Variants in PSMA1 observed in about 807,000 individuals in gnomAD.
PSMA1 encodes the protein proteasome 20S subunit alpha 1.
Under a neutral mutation model 38.4 loss-of-function variants are expected in PSMA1, and 3 were observed. That is an observed-to-expected ratio of 0.08 (90% CI 0.04 to 0.20). The LOEUF (loss-of-function observed/expected upper bound fraction) is 0.20, where lower values mean the gene tolerates loss of function less well. Among genes scored for constraint, PSMA1 ranks in the 10% least tolerant of loss-of-function variants. PSMA1 has a pLI of 1.00. For missense variants in PSMA1, 227 were observed against 325.3 expected (o/e 0.70, Z 2.32); for synonymous variants, 101 against 107.1 (o/e 0.94, Z 0.35).
intron 1 of PSMA1, among the ~76,000 whole-genome samples, chr11:14,614,734 G>T (rs1852750708): frequency 6.6e-6 from 1 of 152,114 alleles, no homozygotes; most frequent in Non-Finnish European, 1.5e-5. Flanking sequence ...AAAATGCCTA[G>T]AATCTTTGCT....
At position 14,515,338 on chromosome 11, in the gene PSMA1, C is replaced by A. The variant is rs546373786; in HGVS notation, c.255-847G>T. ...TGTACACCAAGTACAAAATAACATA[C>A]CAAATTTCAAAGACTTAGTACCTAA... On this transcript the variant is annotated intron_variant, in intron 4 of 9. Coordinates refer to ENST00000396394, the MANE Select transcript of PSMA1 (RefSeq NM_002786.4). 3.3e-5 allele frequency among the ~76,000 whole-genome samples: 5 copies of A among 152,164 alleles called. No individual in the cohort carries two copies. In the East Asian group the frequency reaches 7.7e-4, roughly 23 times the overall value.
intron 2 of PSMA1, among the ~76,000 whole-genome samples, chr11:14,571,085 T>C (rs1397928557): frequency 6.6e-6 from 1 of 152,164 alleles, no homozygotes; most frequent in Non-Finnish European, 1.5e-5. Context: ...TGTTTTGAGA[T>C]GGAGTCTCGC....
chr11:14,582,479 A>T (rs1429210461), intron 2 of PSMA1, among the ~76,000 whole-genome samples: 1 of 143,604 alleles, frequency 7.0e-6, no homozygotes. Flanking sequence ...CAACAACAAC[A>T]ACCAAAAAAC....
chr11:14,606,086 C>T lies in PSMA1; in HGVS notation c.21+4880G>A, dbSNP rs368219320. Among the ~76,000 whole-genome samples the T allele has an allele frequency of 3.3e-5, 5 of 152,188 alleles. No individual in the cohort carries two copies. In the East Asian group the frequency reaches 9.6e-4, roughly 29 times the overall value. ...AAAATGTAGGGGCTCAGTTTCATTG[C>T]CCTGCATATGGCTAGCCAGCTATCT... On this transcript the variant is annotated intron_variant, in intron 2 of 10. Transcript: ENST00000418988.
chr11:14,637,781 C>T (rs1327794842), intron 1 of PSMA1, among the ~76,000 whole-genome samples: 1 of 152,086 alleles, frequency 6.6e-6, no homozygotes, highest in African/African-American at 2.4e-5. Context: ...ATCCCTGTAG[C>T]ATTTGCTTTT....
intron 2 of PSMA1, among the ~76,000 whole-genome samples, chr11:14,536,352 C>G (rs1399838904): frequency 6.6e-6 from 1 of 151,928 alleles, no homozygotes; most frequent in Admixed American, 6.6e-5. Context: ...CATGGCGAAA[C>G]CCCGTCTTTA....
At chr11:14,551,073 T>C (rs1413877597) in intron 2 of PSMA1, among the ~76,000 whole-genome samples, 2 of 152,202 alleles carry the variant, frequency 1.3e-5, no homozygotes, top group Non-Finnish European at 2.9e-5. Flanking sequence ...GACATTACTG[T>C]TGTGTCATTT....
Position 14,534,097 on chromosome 11 carries a change from C to G in PSMA1, c.22-15056G>C, listed in dbSNP as rs936464079. ...TTGGGAAGCTGAGGCAGGAGAATCA[C>G]TTGAACCCAGGAGGTGGAGGTTGCA... On this transcript the variant is annotated intron_variant, in intron 2 of 10. Transcript: ENST00000418988. The surrounding 1 kb of genome is among the most constrained non-coding windows in gnomAD (Gnocchi z 4.5). Among the ~76,000 whole-genome samples, 1 of 152,168 alleles carries G rather than the reference C, an allele frequency of 6.6e-6. No homozygotes were observed. Among genetic ancestry groups the G allele is most frequent in the African/African-American group, 2.4e-5 (1 of 41,438 alleles).
intron 2 of PSMA1, among the ~76,000 whole-genome samples, chr11:14,603,586 TA>T (rs1852609896): frequency 6.6e-6 from 1 of 152,242 alleles, no homozygotes; most frequent in African/African-American, 2.4e-5. Flanking sequence ...GCAAGGGTTC[TA>T]ATACCTTACA....
Position 14,513,874 on chromosome 11 carries a change from T to C in PSMA1, c.357A>G (p.Pro119=), listed in dbSNP as rs771577320. Residue 119 remains proline, a synonymous_variant, in exon 6 of 10, where the codon CCA becomes CCG. Transcript: ENST00000396394. Reference sequence around the variant, plus strand: ...ATGGTCTCCGGCCATATCGTTGTGTTGGTATCTGGGTCTCTTAGACTGGTT... The same window carrying C: ...ATGGTCTCCGGCCATATCGTTGTGTCGGTATCTGGGTCTCTTAGACTGGTT... The part of the protein sequence containing the change: ...VSLIGSKTQI[P]TQRYGRRPYG... 2 of 1,600,822 alleles carry C rather than the reference T, an allele frequency of 1.2e-6. No individual in the cohort carries two copies. Among genetic ancestry groups the C allele is most frequent in the African/African-American group, 2.7e-5 (2 of 74,208 alleles).
At chr11:14,535,107 C>A (rs966545348) in intron 2 of PSMA1, among the ~76,000 whole-genome samples, 6 of 151,900 alleles carry the variant, frequency 3.9e-5, no homozygotes, top group East Asian at 1.9e-4. Flanking sequence ...AACAAAAAAA[C>A]CCCTGGTATT....
rs117104524 is a variant in PSMA1 at position 14,534,622 on chromosome 11, C to A, written c.22-15581G>T. On this transcript the variant is annotated intron_variant, in intron 2 of 10. Coordinates refer to the PSMA1 transcript ENST00000418988. This position sits in a 1 kb window ranked among gnomAD's most constrained non-coding sequence, Gnocchi z 4.5. Reference sequence around the variant, plus strand: ...GAGTAGCTGGGTCTACAGGAGTGAGCCACTGTGCTGACCATTTTTTTTTTA... The same window carrying A: ...GAGTAGCTGGGTCTACAGGAGTGAGACACTGTGCTGACCATTTTTTTTTTA... Among the ~76,000 whole-genome samples the A allele has an allele frequency of 0.014, 2,189 of 152,206 alleles. 27 individuals carry two copies. Among genetic ancestry groups the A allele is most frequent in the Non-Finnish European group, 0.021 (1,439 of 68,004 alleles).
intron 2 of PSMA1, among the ~76,000 whole-genome samples, chr11:14,596,456 T>A (rs545054841): frequency 2.6e-5 from 4 of 152,342 alleles, no homozygotes. Flanking sequence ...AAGAGGTCCT[T>A]CACGTCCCTT....
intron 1 of PSMA1, among the ~76,000 whole-genome samples, chr11:14,632,334 C>G (rs1853031039): frequency 6.7e-6 from 1 of 148,884 alleles, no homozygotes; most frequent in Admixed American, 6.7e-5. Flanking sequence ...TTAGTGCTTC[C>G]TTCAGGAGCT....
Position 14,505,259 on chromosome 11 carries a change from A to G in PSMA1, c.736-11T>C. 6.2e-7 allele frequency: 1 copy of G among 1,606,602 alleles called. No homozygotes were observed. The highest frequency in any genetic ancestry group is 8.5e-7 in the Non-Finnish European group (1 of 1,173,356). On this transcript the variant is annotated splice_polypyrimidine_tract_variant and intron_variant, in intron 9 of 9. Coordinates refer to ENST00000396394, the MANE Select transcript of PSMA1 (RefSeq NM_002786.4). The stretch of plus-strand genomic sequence containing the variant: ...AGCAGGTTGAGCAGGCTTAACAGGG[A>G]AAGAAAAAAAGAAAATATGTAAAAT...
intron 1 of PSMA1, chr11:14,611,239 T>C (rs1057423851): frequency 4.3e-6 from 2 of 460,152 alleles, no homozygotes; most frequent in African/African-American, 2.0e-5. Context: ...CTCACCAAAC[T>C]CTCTTCTCCT....
At chr11:14,564,662 A>G (rs889618652) in intron 2 of PSMA1, among the ~76,000 whole-genome samples, 2 of 152,174 alleles carry the variant, frequency 1.3e-5, no homozygotes, top group African/African-American at 2.4e-5. Flanking sequence ...CCAGCAATGT[A>G]TGAGTGATTT....
intron 1 of PSMA1, among the ~76,000 whole-genome samples, chr11:14,631,878 A>C (rs1853018935): frequency 1.3e-5 from 2 of 149,066 alleles, no homozygotes; most frequent in African/African-American, 5.0e-5. Context: ...TATTTAGGAT[A>C]GTTAGCTCTT....
chr11:14,523,729 A>C (rs907030985), upstream of PSMA1, among the ~76,000 whole-genome samples: 3 of 151,636 alleles, frequency 2.0e-5, no homozygotes, highest in Non-Finnish European at 4.4e-5. Flanking sequence ...GACTACAGGC[A>C]AGTACCCCCA....
Sources: gnomAD v4.1 joint callset for allele counts (sites outside exome capture counted in the v4.1 genomes callset) on GRCh38, gnomAD v4.1.1 for gene constraint, Gnocchi (gnomAD v3.1) non-coding constraint, MANE v1.5 for transcripts, NCBI Gene and HGNC (gene_info 2026-07-23, HGNC 2026-07-21) for gene names.